Variants in TG observed in about 807,000 individuals in gnomAD.
TG encodes thyroglobulin.
A neutral mutation model predicts 324.7 loss-of-function variants in TG; 270 were observed. That is an observed-to-expected ratio of 0.83 (90% CI 0.75 to 0.92). TG has a LOEUF of 0.92. Among genes scored for constraint, TG ranks in the 40% least tolerant of loss-of-function variants. The pLI, the probability that TG is intolerant of heterozygous loss-of-function variation, is 0.00. For synonymous variants in TG, 1,401 were observed against 1,327.0 expected (o/e 1.06, Z -1.21); for missense variants, 3,591 against 3,456.4 (o/e 1.04, Z -0.98).
intron 32 of TG, among the ~76,000 whole-genome samples, chr8:132,970,628 G>A (rs527470833): frequency 6.6e-6 from 1 of 152,186 alleles, no homozygotes; most frequent in South Asian, 2.1e-4. Context: ...AGGCAGGCTA[G>A]TCTGTCTTGA....
At chr8:132,911,613 T>C (rs971638659) in intron 19 of TG, 80 bp downstream of exon 19, 1 of 1,219,504 alleles carries the variant, frequency 8.2e-7, no homozygotes, top group African/African-American at 1.5e-5. Flanking sequence ...CAAATGGAGC[T>C]GGTGAAGAAG....
intron 11 of TG, among the ~76,000 whole-genome samples, chr8:132,895,210 A>G (rs1816921076): frequency 6.6e-6 from 1 of 152,252 alleles, no homozygotes; most frequent in African/African-American, 2.4e-5. Flanking sequence ...ATCCCTGTCA[A>G]ATGGTCTCAG....
intron 41 of TG, among the ~76,000 whole-genome samples, chr8:133,048,158 T>A (rs1272623136): frequency 6.6e-6 from 1 of 152,178 alleles, no homozygotes; most frequent in African/African-American, 2.4e-5. Context: ...AAAATTAGAA[T>A]GCATTTTTCT....
intron 41 of TG, among the ~76,000 whole-genome samples, chr8:133,040,997 G>A (rs1348520814): frequency 1.3e-5 from 2 of 152,240 alleles, no homozygotes; most frequent in African/African-American, 4.8e-5. Flanking sequence ...TTACGATGTA[G>A]CTTCCGTCTC....
intron 22 of TG, among the ~76,000 whole-genome samples, chr8:132,928,572 CAG>C (rs1158940586): frequency 6.6e-6 from 1 of 152,154 alleles, no homozygotes; most frequent in Non-Finnish European, 1.5e-5. Context: ...GCTAGGAAAA[CAG>C]ATGCTAATAA....
intron 35 of TG, among the ~76,000 whole-genome samples, chr8:132,999,033 G>A (rs1231646630): frequency 2.0e-5 from 3 of 152,178 alleles, no homozygotes; most frequent in Non-Finnish European, 2.9e-5. Flanking sequence ...AGAGGGTTGG[G>A]CCTCCAAGAA....
Position 132,886,746 on chromosome 8 carries a change from T to G in TG, c.1374T>G (p.Leu458=), listed in dbSNP as rs1245676815. 1 of 1,614,076 alleles carries G rather than the reference T, an allele frequency of 6.2e-7. No homozygotes were observed. Among genetic ancestry groups the G allele is most frequent in the Non-Finnish European group, 8.5e-7 (1 of 1,180,060 alleles). Residue 458 remains leucine (L), a synonymous_variant, in exon 9 of 48, where the codon CTT becomes CTG. Transcript: ENST00000220616. ...CCCGAGGGCTGGCTCGTCTTGCCCT[T>G]CAGTTTACCACCAACCCAAAGAGAC... The part of the protein sequence containing the change: ...FPSRGLARLA[L]QFTTNPKRLQ...
At chr8:132,972,577 T>TTG (rs1491051499) in intron 33 of TG, 21 bp from the exon 34 acceptor site, 12 of 1,185,340 alleles carry the variant, frequency 1.0e-5, no homozygotes, top group Non-Finnish European at 1.4e-5. Flanking sequence ...TGGTTTTTTG[T>TTG]TTTTTTTTTT....
intron 41 of TG, chr8:133,038,223 G>A (rs1837437085): frequency 7.5e-6 from 3 of 397,788 alleles, no homozygotes; most frequent in South Asian, 7.3e-5. Flanking sequence ...TGTGAGAGTG[G>A]CTTTGTCCTT....
intron 43 of TG, chr8:133,102,460 T>G (rs1849383171): frequency 8.8e-7 from 1 of 1,133,678 alleles, no homozygotes; most frequent in South Asian, 1.3e-5. Context: ...ACAGGATCCA[T>G]CAAGTCCCTC....
intron 20 of TG, among the ~76,000 whole-genome samples, chr8:132,916,744 A>G (rs917330202): frequency 3.3e-5 from 5 of 152,224 alleles, no homozygotes; most frequent in Admixed American, 6.5e-5. Flanking sequence ...AAGGCCAGCC[A>G]TATGGCTTCT....
At chr8:132,974,655 C>A (rs1163596694) in intron 34 of TG, among the ~76,000 whole-genome samples, 1 of 152,212 alleles carries the variant, frequency 6.6e-6, no homozygotes, top group Non-Finnish European at 1.5e-5. Flanking sequence ...CCTTTCCTGA[C>A]TGACCTTCCC....
At chr8:133,098,499 A>G (rs1302897975) in intron 43 of TG, among the ~76,000 whole-genome samples, 2 of 152,180 alleles carry the variant, frequency 1.3e-5, no homozygotes, top group African/African-American at 4.8e-5. Context: ...TCACCTCCTT[A>G]TTTGATACCC....
Position 133,060,079 on chromosome 8 carries a change from C to T in TG, c.7239+30056C>T, listed in dbSNP as rs767746257. 1.0e-5 allele frequency: 16 copies of T among 1,573,542 alleles called. No homozygotes were observed. In the South Asian group the frequency reaches 1.9e-4, roughly 19 times the overall value. On this transcript the variant is annotated intron_variant, in intron 41 of 47. Coordinates refer to ENST00000220616, the MANE Select transcript of TG (RefSeq NM_003235.5). ...TCTTGTAGCACAGACTCAAGCATCT[C>T]ACCAGAGAAGCCAGACTTACCCTCC...
intron 41 of TG, chr8:133,040,441 G>T (rs1838006555): frequency 6.3e-6 from 2 of 318,732 alleles, no homozygotes; most frequent in East Asian, 1.2e-4. Flanking sequence ...TATCAAGAAC[G>T]TCTCTGAGCT....
chr8:132,986,235 G>T (rs764965385), intron 35 of TG, among the ~76,000 whole-genome samples: 35 of 151,628 alleles, frequency 2.3e-4, no homozygotes, highest in Non-Finnish European at 4.6e-4. Flanking sequence ...CTCTCTGTAT[G>T]GTCTGATATC....
At chr8:133,081,219 G>A (rs1211005983) in intron 41 of TG, among the ~76,000 whole-genome samples, 1 of 152,258 alleles carries the variant, frequency 6.6e-6, no homozygotes, top group Non-Finnish European at 1.5e-5. Flanking sequence ...GCTTGGGAAG[G>A]CAGGAGTATG....
At chr8:133,102,703 A>G in intron 43 of TG, 2 of 784,200 alleles carry the variant, frequency 2.6e-6, no homozygotes, top group Non-Finnish European at 2.1e-6. Flanking sequence ...GGTGAAATTG[A>G]CAGTCTGCCT....
chr8:132,987,896 A>T (rs1327050865), intron 35 of TG, among the ~76,000 whole-genome samples: 1 of 152,196 alleles, frequency 6.6e-6, no homozygotes, highest in African/African-American at 2.4e-5. Context: ...CTCTAGAGCA[A>T]CAGAAATGCA....
Sources: gnomAD v4.1 joint callset for allele counts (sites outside exome capture counted in the v4.1 genomes callset) on GRCh38, gnomAD v4.1.1 for gene constraint, MANE v1.5 for transcripts, NCBI Gene and HGNC (gene_info 2026-07-23, HGNC 2026-07-21) for gene names.